SNX29: variants seen among roughly 807,000 people sequenced by gnomAD.
SNX29 encodes sorting nexin 29.
Under a neutral mutation model 102.1 loss-of-function variants are expected in SNX29, and 78 were observed. The ratio of observed to expected loss-of-function variants is 0.76; its 90% CI spans 0.64 to 0.92. The LOEUF (loss-of-function observed/expected upper bound fraction) is 0.92. SNX29 is among the 40% of genes least tolerant of loss of function. The pLI, the probability that SNX29 is intolerant of heterozygous loss-of-function variation, is 0.00. For missense variants in SNX29, 1,280 were observed against 1,061.7 expected (o/e 1.21, Z -2.86); for synonymous variants, 580 against 414.5 (o/e 1.40, Z -4.85).
intron 14 of SNX29, among the ~76,000 whole-genome samples, chr16:12,261,772 GGAGT>G (rs2078775750): frequency 7.3e-6 from 1 of 136,172 alleles, no homozygotes; most frequent in Non-Finnish European, 1.5e-5. Context: ...GTCCCCGGCT[GGAGT>G]GAGTGTTTGC....
At chr16:12,281,859 C>G (rs1051570823) in intron 15 of SNX29, among the ~76,000 whole-genome samples, 6 of 152,008 alleles carry the variant, frequency 3.9e-5, no homozygotes, top group African/African-American at 1.2e-4. Flanking sequence ...TCACTTCAGA[C>G]TAGGAGTTCG....
chr16:12,148,786 C>T (rs1391227255), intron 13 of SNX29, among the ~76,000 whole-genome samples: 2 of 152,172 alleles, frequency 1.3e-5, no homozygotes, highest in Admixed American at 6.5e-5. Context: ...CAACCTCCAC[C>T]TCCCGGGTTC....
At chr16:12,562,287 A>C (rs984088364) in intron 20 of SNX29, among the ~76,000 whole-genome samples, 2 of 152,172 alleles carry the variant, frequency 1.3e-5, no homozygotes, top group Non-Finnish European at 2.9e-5. Context: ...GCTCTATCCC[A>C]GCATCAAACG....
At chr16:12,332,407 A>C (rs933064823) in intron 15 of SNX29, among the ~76,000 whole-genome samples, 7 of 152,188 alleles carry the variant, frequency 4.6e-5, no homozygotes, top group African/African-American at 1.7e-4. Context: ...CTCATTTGCT[A>C]GTCGTGCCTG....
chr16:12,016,715 C>T (rs1432184123), intron 3 of SNX29, among the ~76,000 whole-genome samples: 1 of 152,060 alleles, frequency 6.6e-6, no homozygotes, highest in African/African-American at 2.4e-5. Flanking sequence ...ATCTGCATAT[C>T]CCTTTTGGTG....
intron 3 of SNX29, among the ~76,000 whole-genome samples, chr16:12,008,449 A>G (rs544807328): frequency 3.3e-5 from 5 of 149,934 alleles, no homozygotes; most frequent in Admixed American, 2.7e-4. Flanking sequence ...TTGTATTTTT[A>G]GTAGAGACAG....
intron 11 of SNX29, among the ~76,000 whole-genome samples, chr16:12,107,620 A>C (rs549815053): frequency 6.6e-6 from 1 of 152,280 alleles, no homozygotes; most frequent in African/African-American, 2.4e-5. Flanking sequence ...TGGGCAACAG[A>C]GTGAGACTCT....
chr16:12,560,020 G>T (rs1329499752), intron 20 of SNX29, among the ~76,000 whole-genome samples: 1 of 152,118 alleles, frequency 6.6e-6, no homozygotes, highest in Non-Finnish European at 1.5e-5. Flanking sequence ...CATTTTGGAA[G>T]ACTTAGTATG....
chr16:12,400,000 T>C (rs1191473349), intron 17 of SNX29, among the ~76,000 whole-genome samples: 1 of 152,170 alleles, frequency 6.6e-6, no homozygotes, highest in Non-Finnish European at 1.5e-5. Context: ...TGCTGCAGGC[T>C]GGTGTCCGGG....
At chr16:12,296,946 T>C (rs999726189) in intron 15 of SNX29, among the ~76,000 whole-genome samples, 2 of 152,330 alleles carry the variant, frequency 1.3e-5, no homozygotes, top group East Asian at 1.9e-4. Context: ...TGTAGTAGGA[T>C]GTTTCACGGC....
intron 14 of SNX29, among the ~76,000 whole-genome samples, chr16:12,273,637 C>T (rs1189069945): frequency 2.0e-5 from 3 of 152,160 alleles, no homozygotes; most frequent in Admixed American, 1.3e-4. Context: ...GGATTACAGG[C>T]GTGAGCCACC....
chr16:12,357,465 G>C (rs2082168313), intron 16 of SNX29, among the ~76,000 whole-genome samples: 1 of 152,136 alleles, frequency 6.6e-6, no homozygotes, highest in Admixed American at 6.6e-5. Flanking sequence ...GGATCCATGT[G>C]AGACCCATGC....
rs1490627797 is a variant in SNX29, at chr16:12,257,656, A to G, written c.1679-20277A>G. Among the ~76,000 whole-genome samples, 3 of 151,300 alleles carry G rather than the reference A, an allele frequency of 2.0e-5. No homozygotes were observed. The East Asian group carries it at 5.8e-4, about 29-fold the overall frequency. ...CCTGAGTAGTTGGGAAGTTGGAACT[A>G]CAGGCACGCACCACCATGCCCGGCT... On this transcript the variant is annotated intron_variant, in intron 14 of 20. Coordinates refer to ENST00000566228, the MANE Select transcript of SNX29 (RefSeq NM_032167.5).
At chr16:12,561,120 C>T (rs1598060377) in intron 20 of SNX29, 2 of 227,944 alleles carry the variant, frequency 8.8e-6, no homozygotes, top group Non-Finnish European at 1.7e-5. Flanking sequence ...GGGCACCCAT[C>T]ACGCAGTCCT....
At chr16:12,007,945 T>A (rs2056511479) in intron 3 of SNX29, among the ~76,000 whole-genome samples, 1 of 152,168 alleles carries the variant, frequency 6.6e-6, no homozygotes, top group Non-Finnish European at 1.5e-5. Flanking sequence ...TTTTCACTAC[T>A]TTTTCTTTCT....
At chr16:12,304,847 G>T (rs1304077825) in intron 15 of SNX29, among the ~76,000 whole-genome samples, 1 of 152,202 alleles carries the variant, frequency 6.6e-6, no homozygotes, top group Non-Finnish European at 1.5e-5. Context: ...GGCAGAATAT[G>T]ATTTTACGAG....
chr16:12,164,681 T>C (rs889764765), intron 13 of SNX29, among the ~76,000 whole-genome samples: 5 of 57,110 alleles, frequency 8.8e-5, no homozygotes, highest in African/African-American at 2.3e-4. Context: ...TATTCATGCC[T>C]TTTTTTTTTT....
chr16:12,276,854 G>A (rs2079267447), intron 14 of SNX29, among the ~76,000 whole-genome samples: 1 of 152,152 alleles, frequency 6.6e-6, no homozygotes, highest in African/African-American at 2.4e-5. Context: ...CCGTTTGTGT[G>A]CATGCTTGCT....
chr16:12,525,919 C>G (rs1206264224), intron 20 of SNX29, among the ~76,000 whole-genome samples: 2 of 152,268 alleles, frequency 1.3e-5, no homozygotes, highest in African/African-American at 2.4e-5. Context: ...TGCCTTGCCA[C>G]TGATTAGTCC....
Sources: allele counts gnomAD v4.1 joint callset (sites outside exome capture counted in the v4.1 genomes callset), GRCh38; gene constraint gnomAD v4.1.1; transcripts MANE v1.5; gene names NCBI Gene and HGNC (gene_info 2026-07-23, HGNC 2026-07-21).